The following KLHL6 variants were observed in gnomAD, a reference collection of about 807,000 sequenced individuals.
The protein encoded by KLHL6 is kelch-like protein 6.
Under a neutral mutation model 58.6 loss-of-function variants are expected in KLHL6, and 41 were observed. The observed-to-expected ratio is 0.70, with a 90% CI of 0.55 to 0.91. The LOEUF (loss-of-function observed/expected upper bound fraction) is 0.91. Ranked by LOEUF, KLHL6 falls within the 40% of genes least tolerant of loss-of-function variation. KLHL6 has a pLI of 0.00. For synonymous variants in KLHL6, 338 were observed against 322.7 expected (o/e 1.05, Z -0.51); for missense variants, 714 against 805.6 (o/e 0.89, Z 1.38).
At chr3:183,531,086 G>A (rs146003780) in intron 1 of KLHL6, among the ~76,000 whole-genome samples, 11 of 152,044 alleles carry the variant, frequency 7.2e-5, no homozygotes, top group African/African-American at 2.7e-4. Context: ...CACCTACCTC[G>A]GCCTCCCAAA....
intron 1 of KLHL6, among the ~76,000 whole-genome samples, chr3:183,530,323 G>A (rs1241637055): frequency 6.6e-6 from 1 of 152,196 alleles, no homozygotes; most frequent in African/African-American, 2.4e-5. Context: ...GATCATTCTG[G>A]TGAAGTCTCC....
At position 183,492,661 on chromosome 3, in the gene KLHL6, T is replaced by C. The variant is rs747084499; in HGVS notation, c.1397A>G (p.His466Arg). The change falls in exon 6 of 7, where the codon CAT (histidine) becomes CGT (arginine). Residue 466 changes from histidine to arginine, a missense_variant. By Grantham distance (29) the His-to-Arg change is conservative (BLOSUM62 0). Coordinates refer to ENST00000341319, the MANE Select transcript of KLHL6 (RefSeq NM_130446.4). The surrounding 1 kb of genome is among the most constrained non-coding windows in gnomAD (Gnocchi z 5.9). ...CCCGATCACATACAGCTTCTTCTTA[T>C]GGCTGGTGGCTGCAAAGGAACTGAC... is the stretch of plus-strand genomic sequence containing the variant. Reference protein sequence around the residue: ...VHVSSFAATSHKKKLYVIGGG... With the variant: ...VHVSSFAATSRKKKLYVIGGG... The C allele has an allele frequency of 4.3e-6, 7 of 1,614,010 alleles. No homozygotes were observed. Among genetic ancestry groups the C allele is most frequent in the Non-Finnish European group, 5.9e-6 (7 of 1,180,024 alleles).
Position 183,491,678 on chromosome 3 carries a change from G to T in KLHL6, c.*249C>A. 2.6e-6 allele frequency: 1 copy of T among 381,882 alleles called. No individual in the cohort carries two copies. The highest frequency in any genetic ancestry group is 4.6e-6 in the Non-Finnish European group (1 of 215,460). 23.7% of individuals were successfully genotyped at this position (381,882 alleles called of 1,614,324 possible). A position where few individuals can be genotyped will look rare whatever the true frequency, so the allele number is the denominator to read the frequency against. On this transcript the variant is annotated 3_prime_UTR_variant, in exon 7 of 7. Coordinates refer to ENST00000341319, the MANE Select transcript of KLHL6 (RefSeq NM_130446.4). ...CTGGCACAGAAGCCGGCATAGGGTG[G>T]GTGGGTCCTGAATGCTAAATATTAC... is the stretch of plus-strand genomic sequence containing the variant.
At chr3:183,526,106 G>A (rs969778884) in intron 2 of KLHL6, among the ~76,000 whole-genome samples, 12 of 152,108 alleles carry the variant, frequency 7.9e-5, no homozygotes, top group East Asian at 3.9e-4. Flanking sequence ...TCGGGAGTTC[G>A]AGACCAGCCT....
At chr3:183,555,315 C>A in intron 1 of KLHL6, 46 bp downstream of exon 1, 1 of 1,568,790 alleles carries the variant, frequency 6.4e-7, no homozygotes, top group Non-Finnish European at 8.7e-7. Context: ...CACACCTCTT[C>A]CTTGCAACTT....
At chr3:183,551,259 C>T (rs1211377037) in intron 1 of KLHL6, among the ~76,000 whole-genome samples, 1 of 152,034 alleles carries the variant, frequency 6.6e-6, no homozygotes, top group Non-Finnish European at 1.5e-5. Context: ...TTCAACATAG[C>T]AGACAGTCCC....
intron 2 of KLHL6, 78 bp downstream of exon 2, chr3:183,527,767 T>C (rs1394811231): frequency 7.5e-7 from 1 of 1,341,488 alleles, no homozygotes; most frequent in East Asian, 2.4e-5. Context: ...GCCTGGGAGC[T>C]AGACCAGGTC....
intron 4 of KLHL6, among the ~76,000 whole-genome samples, chr3:183,495,497 A>G (rs916660158): frequency 6.6e-6 from 1 of 152,060 alleles, no homozygotes; most frequent in Non-Finnish European, 1.5e-5. Flanking sequence ...CCATTTAGGT[A>G]GCATCAAAAA....
At chr3:183,534,569 A>C (rs1334411982) in intron 1 of KLHL6, among the ~76,000 whole-genome samples, 1 of 151,820 alleles carries the variant, frequency 6.6e-6, no homozygotes, top group Non-Finnish European at 1.5e-5. Context: ...ATGTCTGGCT[A>C]ATTTTGCAAT....
chr3:183,513,291 C>A (rs1008990681), intron 2 of KLHL6, among the ~76,000 whole-genome samples: 2 of 152,210 alleles, frequency 1.3e-5, no homozygotes, highest in African/African-American at 4.8e-5. Flanking sequence ...CCTGAGGAAA[C>A]CAGATTCAGA....
chr3:183,517,163 C>T (rs572964169), intron 2 of KLHL6, among the ~76,000 whole-genome samples: 5 of 152,166 alleles, frequency 3.3e-5, no homozygotes, highest in Non-Finnish European at 5.9e-5. Context: ...ATCTGCCTGC[C>T]TTGGCTTCCC....
At chr3:183,546,546 T>C (rs1261743983) in intron 1 of KLHL6, among the ~76,000 whole-genome samples, 3 of 152,312 alleles carry the variant, frequency 2.0e-5, no homozygotes, top group East Asian at 3.9e-4. Context: ...TCCTGGCCCC[T>C]GTCTAGCCTC....
chr3:183,523,695 G>A (rs1452607550), intron 2 of KLHL6, among the ~76,000 whole-genome samples: 2 of 28,272 alleles, frequency 7.1e-5, no homozygotes, highest in East Asian at 1.4e-3. Flanking sequence ...CCCATGAGTT[G>A]TTGTTTGTTT....
chr3:183,535,086 A>G (rs1331697127), intron 1 of KLHL6, among the ~76,000 whole-genome samples: 1 of 151,984 alleles, frequency 6.6e-6, no homozygotes, highest in Non-Finnish European at 1.5e-5. Context: ...CTGGGACTAC[A>G]GGCTCATGCC....
In KLHL6 at chr3:183,494,195, A is replaced by T; in HGVS notation, c.1234T>A (p.Trp412Arg). 1 of 1,614,048 alleles carries T rather than the reference A, an allele frequency of 6.2e-7. No homozygotes were observed. Among genetic ancestry groups the T allele is most frequent in the South Asian group, 1.1e-5 (1 of 91,084 alleles). Residue 412 changes from tryptophan (W) to arginine (R), a missense_variant, in exon 5 of 7, where the codon TGG (tryptophan) becomes AGG (arginine). Trp to Arg is a moderately radical substitution (Grantham distance 101). This residue lies in a region of KLHL6 where 510 missense variants were observed against 629.7 expected (regional missense o/e 0.81). Transcript: ENST00000341319. The part of the protein sequence containing the change: ...IQIEYLNIGR[W>R]RHKMVVLGGK... ...CCCAACACCACCATCTTATGCCTCC[A>T]GCGGCCTATGTTTAAATACTCAATC...
At chr3:183,505,437 A>C (rs1051470565) in intron 3 of KLHL6, among the ~76,000 whole-genome samples, 1 of 152,244 alleles carries the variant, frequency 6.6e-6, no homozygotes, top group African/African-American at 2.4e-5. Flanking sequence ...TATTAGAAAG[A>C]AAGTCTCAAA....
chr3:183,548,998 G>C (rs886770863), intron 1 of KLHL6: 3 of 151,644 alleles, frequency 2.0e-5, no homozygotes, highest in Non-Finnish European at 4.4e-5. Context: ...CCTGTCGGCG[G>C]GTGGGGGACA....
intron 1 of KLHL6, among the ~76,000 whole-genome samples, chr3:183,549,388 T>A (rs772484474): frequency 1.3e-5 from 2 of 152,228 alleles, no homozygotes; most frequent in Non-Finnish European, 2.9e-5. Context: ...AGAACCAATA[T>A]GATAGTAAAT....
At chr3:183,529,089 C>G (rs1463067659) in intron 1 of KLHL6, among the ~76,000 whole-genome samples, 5 of 152,100 alleles carry the variant, frequency 3.3e-5, no homozygotes, top group Admixed American at 6.6e-5. Context: ...TAAGTGGAAG[C>G]TAAATGATGA....
Sources: gnomAD v4.1 joint callset for allele counts (sites outside exome capture counted in the v4.1 genomes callset) on GRCh38, gnomAD v4.1.1 for gene constraint, gnomAD v4.1.1 regional missense constraint, Gnocchi (gnomAD v3.1) non-coding constraint, MANE v1.5 for transcripts, NCBI Gene and HGNC (gene_info 2026-07-23, HGNC 2026-07-21) for gene names.